The following MS4A4E variants were observed in gnomAD, a reference collection of about 807,000 sequenced individuals.
The protein encoded by MS4A4E is putative membrane-spanning 4-domains subfamily A member 4E.
A neutral mutation model predicts 13.3 loss-of-function variants in MS4A4E; 23 were observed. That is an observed-to-expected ratio of 1.73 (90% CI 1.25 to 2.45). MS4A4E has a LOEUF of 2.45. Among genes scored for constraint, MS4A4E ranks in the 30% most tolerant of loss-of-function variants. MS4A4E has a pLI of 0.00. For missense variants in MS4A4E, 144 were observed against 131.2 expected (o/e 1.10, Z -0.48); for synonymous variants, 36 against 45.6 (o/e 0.79, Z 0.85).
chr11:60,224,879 ATAGAAT>A (rs1554985821), intron 3 of MS4A4E: 4 of 1,165,884 alleles, frequency 3.4e-6, no homozygotes, highest in South Asian at 6.0e-5. Context: ...GAATTACAAG[ATAGAAT>A]TAGAATAAAA....
chr11:60,241,711 C>T (rs2084554215), intron 1 of MS4A4E, among the ~76,000 whole-genome samples: 1 of 152,314 alleles, frequency 6.6e-6, no homozygotes, highest in Non-Finnish European at 1.5e-5. Context: ...CAAGACTCCA[C>T]TTCTCTACAA....
At chr11:60,214,534 C>T (rs945925032) in intron 4 of MS4A4E, 37 bp downstream of exon 4, 1 of 1,435,192 alleles carries the variant, frequency 7.0e-7, no homozygotes, top group Non-Finnish European at 9.3e-7. Context: ...ATTGATTAAT[C>T]CTTTCCTTTT....
At chr11:60,222,355 G>T (rs2084280352) in intron 3 of MS4A4E, among the ~76,000 whole-genome samples, 1 of 152,122 alleles carries the variant, frequency 6.6e-6, no homozygotes, top group Non-Finnish European at 1.5e-5. Flanking sequence ...TGCGGCAGTG[G>T]GCTCATTCTC....
At chr11:60,226,292 G>GGAGTTATTATT (rs2084341915) in intron 3 of MS4A4E, among the ~76,000 whole-genome samples, 1 of 151,716 alleles carries the variant, frequency 6.6e-6, no homozygotes, top group Non-Finnish European at 1.5e-5. Context: ...TATGGAGCTA[G>GGAGTTATTATT]CACTATTATC....
intron 4 of MS4A4E, among the ~76,000 whole-genome samples, chr11:60,213,523 G>A (rs2084151761): frequency 6.6e-6 from 1 of 152,068 alleles, no homozygotes; most frequent in Non-Finnish European, 1.5e-5. Context: ...TCTCGGTTGT[G>A]TATTCCTTTT....
chr11:60,202,234 G>C (rs1002555143), intron 8 of MS4A4E, among the ~76,000 whole-genome samples: 1 of 152,292 alleles, frequency 6.6e-6, no homozygotes, highest in African/African-American at 2.4e-5. Flanking sequence ...GTGTAGGTGA[G>C]GACCTATCTC....
chr11:60,215,079 T>C (rs1292927521), intron 3 of MS4A4E, among the ~76,000 whole-genome samples: 1 of 152,136 alleles, frequency 6.6e-6, no homozygotes, highest in Non-Finnish European at 1.5e-5. Context: ...AATCCATCAA[T>C]GGGGCAATTA....
intron 5 of MS4A4E, among the ~76,000 whole-genome samples, chr11:60,211,168 C>T (rs571015332): frequency 1.8e-4 from 27 of 152,216 alleles, no homozygotes; most frequent in African/African-American, 6.5e-4. Context: ...ATAGCAATAG[C>T]AAATAAGAGG....
At chr11:60,238,592 T>G (rs2084512176) in intron 1 of MS4A4E, among the ~76,000 whole-genome samples, 1 of 152,216 alleles carries the variant, frequency 6.6e-6, no homozygotes, top group Non-Finnish European at 1.5e-5. Context: ...TTTTCAAATT[T>G]GTTGATCGTT....
intron 1 of MS4A4E, among the ~76,000 whole-genome samples, chr11:60,239,439 G>A (rs1590732818): frequency 6.6e-6 from 1 of 152,144 alleles, no homozygotes; most frequent in East Asian, 1.9e-4. Context: ...GCTAAAGAGG[G>A]GCTTTATTCC....
intron 4 of MS4A4E, among the ~76,000 whole-genome samples, chr11:60,213,599 G>T (rs1347391822): frequency 6.6e-6 from 1 of 152,222 alleles, no homozygotes; most frequent in Non-Finnish European, 1.5e-5. Flanking sequence ...ACACAGGAAA[G>T]TGTGAAGAGT....
chr11:60,225,085 C>A, intron 3 of MS4A4E: 1 of 1,551,116 alleles, frequency 6.4e-7, no homozygotes. Flanking sequence ...CAATCAGAAT[C>A]CGCACAACCT....
intron 6 of MS4A4E, among the ~76,000 whole-genome samples, chr11:60,206,487 ATG>A (rs1554983265): frequency 9.1e-5 from 6 of 65,826 alleles, no homozygotes; most frequent in Admixed American, 1.5e-4. Context: ...ATATATATAT[ATG>A]TATATATATA....
chr11:60,237,255 T>C (rs1241628811), intron 1 of MS4A4E, among the ~76,000 whole-genome samples: 1 of 152,220 alleles, frequency 6.6e-6, no homozygotes, highest in African/African-American at 2.4e-5. Flanking sequence ...GCTCTATCCA[T>C]GTTCCTGCAA....
intron 4 of MS4A4E, 145 bp from the exon 5 acceptor site, chr11:60,213,277 C>G: frequency 6.5e-7 from 1 of 1,535,330 alleles, no homozygotes; most frequent in South Asian, 1.2e-5. Flanking sequence ...TCTGATCTCT[C>G]GCCAAAACAC....
At chr11:60,212,423 C>T (rs2084134394) in intron 5 of MS4A4E, among the ~76,000 whole-genome samples, 2 of 151,780 alleles carry the variant, frequency 1.3e-5, no homozygotes, top group African/African-American at 2.4e-5. Context: ...CATTCTCCTG[C>T]CTCAGCCTCC....
chr11:60,232,339 A>T (rs186122147), intron 1 of MS4A4E, among the ~76,000 whole-genome samples: 25 of 146,694 alleles, frequency 1.7e-4, no homozygotes, highest in Admixed American at 1.5e-3. Context: ...TGAATAAACA[A>T]CTACATTCCA....
intron 6 of MS4A4E, among the ~76,000 whole-genome samples, chr11:60,208,113 T>C (rs553658766): frequency 6.6e-6 from 1 of 152,330 alleles, no homozygotes; most frequent in Non-Finnish European, 1.5e-5. Context: ...CACTGACCCC[T>C]TGTGATTCCC....
At chr11:60,219,508 A>G (rs1407058878) in intron 3 of MS4A4E, among the ~76,000 whole-genome samples, 1 of 152,216 alleles carries the variant, frequency 6.6e-6, no homozygotes, top group Non-Finnish European at 1.5e-5. Flanking sequence ...CATAAGCAGA[A>G]AACTTCCAGG....
Sources: gnomAD v4.1 joint callset for allele counts (sites outside exome capture counted in the v4.1 genomes callset) on GRCh38, gnomAD v4.1.1 for gene constraint, MANE v1.5 for transcripts, NCBI Gene and HGNC (gene_info 2026-07-23, HGNC 2026-07-21) for gene names.